SYPL2: variants seen among roughly 807,000 people sequenced by gnomAD.
SYPL2 encodes synaptophysin like 2.
In SYPL2, 24 loss-of-function variants were observed where a neutral mutation model predicts 31.3. The observed-to-expected ratio is 0.77, with a 90% confidence interval of 0.56 to 1.08. The LOEUF is 1.08. Among genes scored for constraint, SYPL2 ranks in the 50% least tolerant of loss-of-function variants. SYPL2 has a pLI of 0.00. For missense variants in SYPL2, 342 were observed against 360.1 expected (o/e 0.95, Z 0.41); for synonymous variants, 144 against 143.1 (o/e 1.01, Z -0.05).
chr1:109,479,601 C>G lies in SYPL2; in HGVS notation c.*53C>G. ...CTGGACAGCACCTCTTCAACCACCT[C>G]CGGCTTCCAGGACCTTTCTCTTCCT... On this transcript the variant is annotated 3_prime_UTR_variant, in exon 6 of 6. Coordinates refer to ENST00000369872, the MANE Select transcript of SYPL2 (RefSeq NM_001040709.2). 1 of 1,580,610 alleles carries G rather than the reference C, an allele frequency of 6.3e-7. No homozygotes were observed. The highest frequency in any genetic ancestry group is 8.6e-7 in the Non-Finnish European group (1 of 1,159,264).
Position 109,477,853 on chromosome 1 carries a change from G to A in SYPL2, c.492G>A (p.Trp164Ter), listed in dbSNP as rs762837237. ...TGACTGTCTCCTTCACCTTCTTCTG[G>A]CTGGTAGCTGCAGCTGCCTGGGGCA... ...FCVTVSFTFFWLVAAAAWGKG... is the reference protein window; with the variant it reads ...FCVTVSFTFF The change falls in exon 5 of 6, where the codon TGG (tryptophan) becomes TGA (stop). Residue 164 changes from tryptophan (W) to a stop codon, truncating the protein, a stop_gained. Coordinates refer to ENST00000369872, the MANE Select transcript of SYPL2 (RefSeq NM_001040709.2). LOFTEE classifies it high-confidence loss of function. The A allele has an allele frequency of 6.2e-7, 1 of 1,613,034 alleles. No individual in the cohort carries two copies. The highest frequency in any genetic ancestry group is 1.1e-5 in the South Asian group (1 of 90,938).
chr1:109,470,840 T>A (rs1655810320), intron 2 of SYPL2, among the ~76,000 whole-genome samples: 1 of 152,224 alleles, frequency 6.6e-6, no homozygotes, highest in South Asian at 2.1e-4. Flanking sequence ...TCCCTCCTTG[T>A]AATCCTCAAT....
intron 2 of SYPL2, 50 bp downstream of exon 2, chr1:109,467,183 G>C (rs750765111): frequency 6.7e-7 from 1 of 1,492,528 alleles, no homozygotes. Flanking sequence ...GGGCTGTGAC[G>C]CTGACCTGAA....
intron 2 of SYPL2, among the ~76,000 whole-genome samples, chr1:109,470,144 T>A (rs1481856659): frequency 6.6e-6 from 1 of 152,174 alleles, no homozygotes; most frequent in East Asian, 1.9e-4. Flanking sequence ...CATGCCACCA[T>A]GCCTAGCTAA....
chr1:109,474,373 C>A, intron 2 of SYPL2, among the ~76,000 whole-genome samples: 1 of 126,386 alleles, frequency 7.9e-6, no homozygotes, highest in Non-Finnish European at 1.6e-5. Flanking sequence ...AGGTCTCATT[C>A]TGTTGCCAGG....
Position 109,480,765 on chromosome 1 carries a change from C to T in SYPL2, c.*1217C>T, listed in dbSNP as rs80260894. The T allele has an allele frequency of 6.5e-6, 1 of 152,750 alleles. No homozygotes were observed. Among genetic ancestry groups the T allele is most frequent in the African/African-American group, 2.4e-5 (1 of 41,434 alleles). The allele number at this position is 152,750 out of a possible 1,614,324, so 9.5% of individuals were successfully genotyped here. A position where few individuals can be genotyped will look rare whatever the true frequency, so the allele number is the denominator to read the frequency against. Reference sequence around the variant, plus strand: ...TTATTTCTCCCAGTCTCTATCCCCTCTCAAGTCCAGGGCAGGCCGATGCTA... The same window carrying T: ...TTATTTCTCCCAGTCTCTATCCCCTTTCAAGTCCAGGGCAGGCCGATGCTA... On this transcript the variant is annotated 3_prime_UTR_variant, in exon 6 of 6. Coordinates refer to ENST00000369872, the MANE Select transcript of SYPL2 (RefSeq NM_001040709.2).
rs1655665856 is a variant in SYPL2 at position 109,467,053 on chromosome 1, C to T, written c.55-6C>T. ...CCTGACCCCCCGGCCGGCTGTGTCT[C>T]CGCAGGTGGACCGCCTACTCGTGGG... On this transcript the variant is annotated splice_polypyrimidine_tract_variant and splice_region_variant and intron_variant, in intron 1 of 5. Coordinates refer to ENST00000369872, the MANE Select transcript of SYPL2 (RefSeq NM_001040709.2). The T allele has an allele frequency of 6.5e-7, 1 of 1,544,522 alleles. No homozygotes were observed. The highest frequency in any genetic ancestry group is 8.7e-7 in the Non-Finnish European group (1 of 1,145,890).
chr1:109,467,425 C>G (rs891849524), intron 2 of SYPL2, among the ~76,000 whole-genome samples: 1 of 152,170 alleles, frequency 6.6e-6, no homozygotes, highest in African/African-American at 2.4e-5. Context: ...CCGGGTGTAA[C>G]CTTTCCAGAA....
intron 2 of SYPL2, among the ~76,000 whole-genome samples, chr1:109,468,407 TA>T (rs1349326547): frequency 3.3e-5 from 5 of 152,174 alleles, no homozygotes; most frequent in Admixed American, 3.3e-4. Context: ...CATTTGGGAT[TA>T]TCGGGCCAGC....
Position 109,466,636 on chromosome 1 carries a change from AG to A in SYPL2, c.-207del. 1 of 428,202 alleles carries A rather than the reference AG, an allele frequency of 2.3e-6. No individual in the cohort carries two copies. 26.5% of individuals were successfully genotyped at this position (428,202 alleles called of 1,614,324 possible). On this transcript the variant is annotated 5_prime_UTR_variant, in exon 1 of 6. Transcript: ENST00000369872. Reference sequence around the variant, plus strand: ...GCCGGCGGGGCACCGCGGCGGCCGCAGCCTCTGAGAGCACGAACAGCAGCGC... The same window carrying A: ...GCCGGCGGGGCACCGCGGCGGCCGCACCTCTGAGAGCACGAACAGCAGCGC...
chr1:109,475,723 C>T lies in SYPL2; in HGVS notation c.254+18C>T. 2 of 1,609,094 alleles carry T rather than the reference C, an allele frequency of 1.2e-6. No individual in the cohort carries two copies. The highest frequency in any genetic ancestry group is 2.2e-5 in the South Asian group (2 of 90,760). ...CCCTTCAGGTGAGCAAGAATTGGTTCCAACCCAGCACATCATCTCTCACTT... is the reference window on the plus strand; with the variant it reads ...CCCTTCAGGTGAGCAAGAATTGGTTTCAACCCAGCACATCATCTCTCACTT... On this transcript the variant is annotated intron_variant, in intron 3 of 5. Coordinates refer to ENST00000369872, the MANE Select transcript of SYPL2 (RefSeq NM_001040709.2).
intron 2 of SYPL2, among the ~76,000 whole-genome samples, chr1:109,473,839 G>A (rs1321973245): frequency 6.6e-6 from 1 of 150,884 alleles, no homozygotes; most frequent in Non-Finnish European, 1.5e-5. Flanking sequence ...AGCTTGCAGT[G>A]AGCCAAGATT....
At position 109,466,879 on chromosome 1, in the gene SYPL2, C is replaced by G. The variant is rs780724720; in HGVS notation, c.36C>G (p.Asp12Glu). 5 of 1,529,744 alleles carry G rather than the reference C, an allele frequency of 3.3e-6. No individual in the cohort carries two copies. Among genetic ancestry groups the G allele is most frequent in the South Asian group, 1.2e-5 (1 of 83,686 alleles). The allele number at this position is 1,529,744 out of a possible 1,614,324, so 94.8% of individuals were successfully genotyped here. Residue 12 changes from aspartate (D) to glutamate (E), a missense_variant, in exon 1 of 6, where the codon GAC (aspartate) becomes GAG (glutamate). Coordinates refer to ENST00000369872, the MANE Select transcript of SYPL2 (RefSeq NM_001040709.2). ...CCGAGAGCGCCGGCCGCACGGCGGACAAGTCGCCGCGCCAGCAGGTAGTCC... is the reference window on the plus strand; with the variant it reads ...CCGAGAGCGCCGGCCGCACGGCGGAGAAGTCGCCGCGCCAGCAGGTAGTCC... ...SSTESAGRTA[D>E]KSPRQQVDRL...
In SYPL2 at chr1:109,469,056, C is replaced by T. The variant is rs563591189; in HGVS notation, c.129+1923C>T. ...AAACGTGCTTTGCTTTTATTGCCAT[C>T]CCAGGTAGCCTGAATTCAGGGCGCC... is the stretch of plus-strand genomic sequence containing the variant. On this transcript the variant is annotated intron_variant, in intron 2 of 5. Transcript: ENST00000369872. Among the ~76,000 whole-genome samples, 6 of 152,322 alleles carry T rather than the reference C, an allele frequency of 3.9e-5. No individual in the cohort carries two copies. In the South Asian group the frequency reaches 1.2e-3, roughly 32 times the overall value.
chr1:109,466,989 G>C, intron 1 of SYPL2, 70 bp from the exon 2 acceptor site: 1 of 1,536,320 alleles, frequency 6.5e-7, no homozygotes, highest in South Asian at 1.2e-5. Flanking sequence ...CGTGTGAGTG[G>C]GGCAAGGGGA....
chr1:109,467,369 A>G (rs1394897154), intron 2 of SYPL2, among the ~76,000 whole-genome samples: 1 of 152,184 alleles, frequency 6.6e-6, no homozygotes, highest in Non-Finnish European at 1.5e-5. Flanking sequence ...TCTATGTGCA[A>G]GGAGCCTTTG....
chr1:109,467,166 G>C, intron 2 of SYPL2, 33 bp downstream of exon 2: 1 of 1,528,060 alleles, frequency 6.5e-7, no homozygotes, highest in South Asian at 1.2e-5. Flanking sequence ...GGCTATTTCG[G>C]GAGCCTGGGC....
chr1:109,478,713 A>G lies in SYPL2; in HGVS notation c.649-665A>G, dbSNP rs1250611759. 1.3e-5 allele frequency among the ~76,000 whole-genome samples: 2 copies of G among 152,188 alleles called. No individual in the cohort carries two copies. The highest frequency in any genetic ancestry group is 4.8e-5 in the African/African-American group (2 of 41,442). On this transcript the variant is annotated intron_variant, in intron 5 of 5. Transcript: ENST00000369872. The surrounding 1 kb of genome is among the most constrained non-coding windows in gnomAD (Gnocchi z 4.0). The stretch of plus-strand genomic sequence containing the variant: ...CCCCCAAAAAAATTTTATTGTAGAA[A>G]TGTTCACAGGTACAACAAAGTTGAA...
intron 2 of SYPL2, 42 bp from the exon 3 acceptor site, chr1:109,475,539 T>C (rs780610217): frequency 6.9e-6 from 11 of 1,602,590 alleles, no homozygotes; most frequent in Middle Eastern, 3.3e-4. Flanking sequence ...CTTTGGCCAG[T>C]TGAGGCCTTC....
Sources: allele counts gnomAD v4.1 joint callset (sites outside exome capture counted in the v4.1 genomes callset), GRCh38; gene constraint gnomAD v4.1.1; non-coding constraint Gnocchi (gnomAD v3.1); transcripts MANE v1.5; gene names NCBI Gene and HGNC (gene_info 2026-07-23, HGNC 2026-07-21).